OR2A5: variants seen among roughly 807,000 people sequenced by gnomAD.
OR2A5 encodes olfactory receptor family 2 subfamily A member 5, also known as olfactory receptor 2A5.
Under a neutral mutation model 1.9 loss-of-function variants are expected in OR2A5, and 2 were observed. That is an observed-to-expected ratio of 1.04 (90% CI 0.43 to 3.28). The LOEUF (loss-of-function observed/expected upper bound fraction) is 3.28. Among genes scored for constraint, OR2A5 ranks in the 30% most tolerant of loss-of-function variants. The probability of loss-of-function intolerance (pLI) is 0.08; values close to 1 mark genes in which losing one functional copy is unlikely to be tolerated. For missense variants in OR2A5, 391 were observed against 375.9 expected (o/e 1.04, Z -0.33); for synonymous variants, 160 against 154.5 (o/e 1.04, Z -0.26).
chr7:144,049,410 C>T (rs1458917235), intron 1 of OR2A5, among the ~76,000 whole-genome samples: 1 of 152,180 alleles, frequency 6.6e-6, no homozygotes, highest in Non-Finnish European at 1.5e-5. Flanking sequence ...GGGGGAATGA[C>T]AAGCAGAGAA....
intron 1 of OR2A5, 107 bp from the exon 2 acceptor site, chr7:144,050,244 G>A (rs1028450499): frequency 1.9e-6 from 1 of 533,822 alleles, no homozygotes; most frequent in Non-Finnish European, 3.3e-6. Flanking sequence ...TAAAGGATTT[G>A]GCATAATGGC....
rs558383705 is a variant in OR2A5, at chr7:144,051,649, A to G, written c.*312A>G. On this transcript the variant is annotated 3_prime_UTR_variant, in exon 2 of 2. Coordinates refer to ENST00000641693, the MANE Select transcript of OR2A5 (RefSeq NM_012365.2). ...AAGCTTCCTCTTAAATTCCTCTATT[A>G]TTTCCATCTCTTTTTGCCATAAGTA... 15 of 299,560 alleles carry G rather than the reference A, an allele frequency of 5.0e-5. No homozygotes were observed. The highest frequency in any genetic ancestry group is 1.0e-3 in the Middle Eastern group (1 of 982). 18.6% of individuals were successfully genotyped at this position (299,560 alleles called of 1,614,324 possible). A position where few individuals can be genotyped will look rare whatever the true frequency, so the allele number is the denominator to read the frequency against.
rs2050926400 is a variant in OR2A5 at position 144,054,598 on chromosome 7, G to A, written c.*3261G>A. The A allele has an allele frequency of 6.6e-6, 1 of 152,184 alleles. No individual in the cohort carries two copies. Among genetic ancestry groups the A allele is most frequent in the African/African-American group, 2.4e-5 (1 of 41,462 alleles). 9.4% of individuals were successfully genotyped at this position (152,184 alleles called of 1,614,324 possible). On this transcript the variant is annotated 3_prime_UTR_variant, in exon 2 of 2. Coordinates refer to ENST00000641693, the MANE Select transcript of OR2A5 (RefSeq NM_012365.2). Reference sequence around the variant, plus strand: ...TTTTTATTTGGTTGGTGATATTGGGGAAGGTCTCCACCAAAGGAGGTTGAA... The same window carrying A: ...TTTTTATTTGGTTGGTGATATTGGGAAAGGTCTCCACCAAAGGAGGTTGAA...
Position 144,050,531 on chromosome 7 carries a change from A to T in OR2A5, c.130A>T (p.Ile44Phe). 1 of 1,609,454 alleles carries T rather than the reference A, an allele frequency of 6.2e-7. No individual in the cohort carries two copies. The highest frequency in any genetic ancestry group is 8.5e-7 in the Non-Finnish European group (1 of 1,177,578). ...CTTCACCCTGCTGGGAAATGGGGCC[A>T]TCCTGGGGCTCATCTGGCTGGACTC... is the stretch of plus-strand genomic sequence containing the variant. ...YVFTLLGNGA[I>F]LGLIWLDSRL... The change falls in exon 2 of 2, where the codon ATC becomes TTC. Residue 44 changes from isoleucine to phenylalanine, a missense_variant. Ile to Phe is a conservative substitution (Grantham distance 21). Transcript: ENST00000641693.
Position 144,051,393 on chromosome 7 carries a change from G to A in OR2A5, c.*56G>A. 1 of 1,362,788 alleles carries A rather than the reference G, an allele frequency of 7.3e-7. No homozygotes were observed. The highest frequency in any genetic ancestry group is 1.0e-6 in the Non-Finnish European group (1 of 986,378). The allele number at this position is 1,362,788 out of a possible 1,614,324, so 84.4% of individuals were successfully genotyped here. On this transcript the variant is annotated 3_prime_UTR_variant, in exon 2 of 2. Coordinates refer to ENST00000641693, the MANE Select transcript of OR2A5 (RefSeq NM_012365.2). ...GATTTGCTCCCAATGAGATTTGTAG[G>A]AACAGTGGTGTAAATGCCTTACAGT...
At position 144,053,569 on chromosome 7, in the gene OR2A5, C is replaced by T. The variant is rs1037416837; in HGVS notation, c.*2232C>T. The T allele has an allele frequency of 2.0e-5, 3 of 150,446 alleles. No homozygotes were observed. Among genetic ancestry groups the T allele is most frequent in the Non-Finnish European group, 3.0e-5 (2 of 67,712 alleles). 9.3% of individuals were successfully genotyped at this position (150,446 alleles called of 1,614,324 possible). A position where few individuals can be genotyped will look rare whatever the true frequency, so the allele number is the denominator to read the frequency against. On this transcript the variant is annotated 3_prime_UTR_variant, in exon 2 of 2. Transcript: ENST00000641693. The stretch of plus-strand genomic sequence containing the variant: ...AGTTCAGAATGATTTAATAACTTAT[C>T]CTATACTATGCAACCAGTAATAGAA...
chr7:144,051,056 T>C lies in OR2A5; in HGVS notation c.655T>C (p.Ser219Pro). 1.2e-6 allele frequency: 2 copies of C among 1,614,200 alleles called. No homozygotes were observed. Among genetic ancestry groups the C allele is most frequent in the Non-Finnish European group, 1.7e-6 (2 of 1,180,036 alleles). The stretch of plus-strand genomic sequence containing the variant: ...GCTCTGCCTGGTGCTGGTCTCCTAC[T>C]CGCGCATCCTGGCGGCCATCTTGAG... Reference protein sequence around the residue: ...GPLCLVLVSYSRILAAILRIQ... With the variant: ...GPLCLVLVSYPRILAAILRIQ... The change falls in exon 2 of 2, where the codon TCG becomes CCG. Residue 219 changes from serine to proline, a missense_variant. Physicochemically the swap from Ser to Pro is moderately conservative, Grantham distance 74. Coordinates refer to ENST00000641693, the MANE Select transcript of OR2A5 (RefSeq NM_012365.2).
In OR2A5 at chr7:144,051,163, C is replaced by A; in HGVS notation, c.762C>A (p.Ser254Arg). Residue 254 changes from serine (S) to arginine (R), a missense_variant, in exon 2 of 2, where the codon AGC (serine) becomes AGA (arginine). Transcript: ENST00000641693. ...HLCMVGLFFG[S>R]AIVMYMAPKS... ...GCATGGTGGGACTCTTCTTTGGCAG[C>A]GCCATTGTCATGTACATGGCCCCCA... 15 of 1,614,182 alleles carry A rather than the reference C, an allele frequency of 9.3e-6. No individual in the cohort carries two copies. Among genetic ancestry groups the A allele is most frequent in the Non-Finnish European group, 1.3e-5 (15 of 1,180,026 alleles).
Position 144,051,084 on chromosome 7 carries a change from T to C in OR2A5, c.683T>C (p.Ile228Thr). Residue 228 changes from isoleucine to threonine, a missense_variant, in exon 2 of 2, where the codon ATC (isoleucine) becomes ACC (threonine). Ile to Thr is a moderately conservative substitution (Grantham distance 89). Transcript: ENST00000641693. Reference protein sequence around the residue: ...YSRILAAILRIQSGEGRRKAF... With the variant: ...YSRILAAILRTQSGEGRRKAF... The stretch of plus-strand genomic sequence containing the variant: ...CGCATCCTGGCGGCCATCTTGAGGA[T>C]CCAGTCTGGGGAGGGCCGCAGAAAG... The C allele has an allele frequency of 6.2e-7, 1 of 1,614,150 alleles. No homozygotes were observed. The highest frequency in any genetic ancestry group is 8.5e-7 in the Non-Finnish European group (1 of 1,180,020).
In OR2A5 at chr7:144,051,029, C is replaced by A. The variant is rs376179956; in HGVS notation, c.628C>A (p.Pro210Thr). 3 of 1,614,088 alleles carry A rather than the reference C, an allele frequency of 1.9e-6. No homozygotes were observed. In the African/African-American group the frequency reaches 4.0e-5, roughly 22 times the overall value. Residue 210 changes from proline to threonine, a missense_variant, in exon 2 of 2, where the codon CCG becomes ACG. Coordinates refer to ENST00000641693, the MANE Select transcript of OR2A5 (RefSeq NM_012365.2). ...FAASVFILVG[P>T]LCLVLVSYSR... ...TGCTTCAGTGTTCATCCTGGTGGGGCCGCTCTGCCTGGTGCTGGTCTCCTA... is the reference window on the plus strand; with the variant it reads ...TGCTTCAGTGTTCATCCTGGTGGGGACGCTCTGCCTGGTGCTGGTCTCCTA...
Position 144,057,813 on chromosome 7 carries a change from A to AC in OR2A5, c.*6476_*6477insC, listed in dbSNP as rs2050951876. ...GTTGATAAAGAATAATAGTAAATAT[A>AC]ATTGTTGAATGTAAACAAAATAGCT... On this transcript the variant is annotated 3_prime_UTR_variant, in exon 2 of 2. Coordinates refer to ENST00000641693, the MANE Select transcript of OR2A5 (RefSeq NM_012365.2). 1 of 152,242 alleles carries AC rather than the reference A, an allele frequency of 6.6e-6. No individual in the cohort carries two copies. The highest frequency in any genetic ancestry group is 1.5e-5 in the Non-Finnish European group (1 of 68,042). 9.4% of individuals were successfully genotyped at this position (152,242 alleles called of 1,614,324 possible).
In OR2A5 at chr7:144,055,159, G is replaced by A. The variant is rs1415473333; in HGVS notation, c.*3822G>A. On this transcript the variant is annotated 3_prime_UTR_variant, in exon 2 of 2. Transcript: ENST00000641693. The stretch of plus-strand genomic sequence containing the variant: ...TGTCCCATCGAGAATCTTGCAGGAG[G>A]CAAACATAGTTGTTTATTGCCTTCC... The A allele has an allele frequency of 2.0e-5, 3 of 152,114 alleles. No homozygotes were observed. Among genetic ancestry groups the A allele is most frequent in the Admixed American group, 2.0e-4 (3 of 15,278 alleles). The allele number at this position is 152,114 out of a possible 1,614,324, so 9.4% of individuals were successfully genotyped here.
In OR2A5 at chr7:144,057,235, A is replaced by AT. The variant is rs1430788046; in HGVS notation, c.*5904dup. ...ATTTTCCCAAAATGCAACAGAGACT[A>AT]TTTTTTAAGAAAATGGAATAAAAAG... On this transcript the variant is annotated 3_prime_UTR_variant, in exon 2 of 2. Transcript: ENST00000641693. 7.9e-5 allele frequency: 12 copies of AT among 152,322 alleles called. No homozygotes were observed. Among genetic ancestry groups the AT allele is most frequent in the African/African-American group, 2.9e-4 (12 of 41,574 alleles). The allele number at this position is 152,322 out of a possible 1,614,324, so 9.4% of individuals were successfully genotyped here.
In OR2A5 at chr7:144,050,348, C is replaced by A. The variant is rs927564331; in HGVS notation, c.-51-3C>A. On this transcript the variant is annotated splice_region_variant and splice_polypyrimidine_tract_variant and intron_variant, in intron 1 of 1. Transcript: ENST00000641693. ...CTAATCCGGATCTGCATTTGCTCCTCAGCACATAGCTCATTGCCACAGCAG... is the reference window on the plus strand; with the variant it reads ...CTAATCCGGATCTGCATTTGCTCCTAAGCACATAGCTCATTGCCACAGCAG... The A allele has an allele frequency of 2.5e-6, 3 of 1,196,778 alleles. No homozygotes were observed. Among genetic ancestry groups the A allele is most frequent in the African/African-American group, 3.1e-5 (2 of 65,136 alleles). 74.1% of individuals were successfully genotyped at this position (1,196,778 alleles called of 1,614,324 possible). A position where few individuals can be genotyped will look rare whatever the true frequency, so the allele number is the denominator to read the frequency against.
At position 144,053,907 on chromosome 7, in the gene OR2A5, A is replaced by T. The variant is rs1310081650; in HGVS notation, c.*2570A>T. The T allele has an allele frequency of 6.6e-6, 1 of 152,244 alleles. No individual in the cohort carries two copies. Among genetic ancestry groups the T allele is most frequent in the Non-Finnish European group, 1.5e-5 (1 of 68,054 alleles). The allele number at this position is 152,244 out of a possible 1,614,324, so 9.4% of individuals were successfully genotyped here. A position where few individuals can be genotyped will look rare whatever the true frequency, so the allele number is the denominator to read the frequency against. On this transcript the variant is annotated 3_prime_UTR_variant, in exon 2 of 2. Coordinates refer to ENST00000641693, the MANE Select transcript of OR2A5 (RefSeq NM_012365.2). ...CCTGTCTGCAAAATCACATGGCCTC[A>T]TAAGGCATTGCCCCAAAGGGACAAT...
rs1401978290 is a variant in OR2A5 at position 144,055,519 on chromosome 7, A to T, written c.*4182A>T. The T allele has an allele frequency of 1.3e-5, 2 of 152,336 alleles. No homozygotes were observed. The highest frequency in any genetic ancestry group is 2.1e-4 in the South Asian group (1 of 4,828). The allele number at this position is 152,336 out of a possible 1,614,324, so 9.4% of individuals were successfully genotyped here. A position where few individuals can be genotyped will look rare whatever the true frequency, so the allele number is the denominator to read the frequency against. Reference sequence around the variant, plus strand: ...TAAAGATTTTTAAATGGTAATTCTAAGATAATCTTTTTTCTGTCAAAATCC... The same window carrying T: ...TAAAGATTTTTAAATGGTAATTCTATGATAATCTTTTTTCTGTCAAAATCC... On this transcript the variant is annotated 3_prime_UTR_variant, in exon 2 of 2. Transcript: ENST00000641693.
Position 144,054,181 on chromosome 7 carries a change from T to A in OR2A5, c.*2844T>A, listed in dbSNP as rs2050923740. On this transcript the variant is annotated 3_prime_UTR_variant, in exon 2 of 2. Coordinates refer to ENST00000641693, the MANE Select transcript of OR2A5 (RefSeq NM_012365.2). ...AGCTGAGATGCTTGCTATGTTAGATTCACATCTCAATTGTGCTACAACTTG... is the reference window on the plus strand; with the variant it reads ...AGCTGAGATGCTTGCTATGTTAGATACACATCTCAATTGTGCTACAACTTG... 6.6e-6 allele frequency: 1 copy of A among 152,186 alleles called. No homozygotes were observed. Among genetic ancestry groups the A allele is most frequent in the Admixed American group, 6.5e-5 (1 of 15,276 alleles). 9.4% of individuals were successfully genotyped at this position (152,186 alleles called of 1,614,324 possible). A position where few individuals can be genotyped will look rare whatever the true frequency, so the allele number is the denominator to read the frequency against.
Position 144,050,545 on chromosome 7 carries a change from C to A in OR2A5, c.144C>A (p.Ile48=), listed in dbSNP as rs1178600456. Residue 48 remains isoleucine, a synonymous_variant, in exon 2 of 2, where the codon ATC becomes ATA. Coordinates refer to ENST00000641693, the MANE Select transcript of OR2A5 (RefSeq NM_012365.2). The part of the protein sequence containing the change: ...LLGNGAILGL[I]WLDSRLHTPM... ...GAAATGGGGCCATCCTGGGGCTCAT[C>A]TGGCTGGACTCCAGACTGCACACCC... The A allele has an allele frequency of 6.2e-7, 1 of 1,609,712 alleles. No individual in the cohort carries two copies. Among genetic ancestry groups the A allele is most frequent in the Non-Finnish European group, 8.5e-7 (1 of 1,177,670 alleles).
chr7:144,052,586 GA>G lies in OR2A5; in HGVS notation c.*1251del, dbSNP rs1052290282. On this transcript the variant is annotated 3_prime_UTR_variant, in exon 2 of 2. Coordinates refer to ENST00000641693, the MANE Select transcript of OR2A5 (RefSeq NM_012365.2). ...TCCATGAAAGAAAGAAGCAAAGGGG[GA>G]ACTCTTTCCTCCCACCCCCTCTCCA... 5 of 152,022 alleles carry G rather than the reference GA, an allele frequency of 3.3e-5. No homozygotes were observed. Among genetic ancestry groups the G allele is most frequent in the African/African-American group, 7.2e-5 (3 of 41,382 alleles). The allele number at this position is 152,022 out of a possible 1,614,324, so 9.4% of individuals were successfully genotyped here.
Sources: gnomAD v4.1 joint callset for allele counts (sites outside exome capture counted in the v4.1 genomes callset) on GRCh38, gnomAD v4.1.1 for gene constraint, MANE v1.5 for transcripts, NCBI Gene and HGNC (gene_info 2026-07-23, HGNC 2026-07-21) for gene names.